The following SH3GL3 variants were observed in gnomAD, a reference collection of about 807,000 sequenced individuals.
SH3GL3 encodes endophilin-A3.
In SH3GL3, 33 loss-of-function variants were observed where a neutral mutation model predicts 47.7. The observed-to-expected ratio is 0.69, with a 90% CI of 0.52 to 0.92. The LOEUF is 0.92. SH3GL3 is among the 40% of genes least tolerant of loss of function. SH3GL3 has a pLI of 0.00. For missense variants in SH3GL3, 363 were observed against 417.8 expected (o/e 0.87, Z 1.14); for synonymous variants, 155 against 148.8 (o/e 1.04, Z -0.30).
At chr15:83,568,489 C>A (rs777297138) in intron 3 of SH3GL3, 40 bp from the exon 4 acceptor site, 5 of 1,571,974 alleles carry the variant, frequency 3.2e-6, no homozygotes, top group South Asian at 1.1e-5. Context: ...GTCACTCCAC[C>A]TTGTAACTTT....
intron 1 of SH3GL3, among the ~76,000 whole-genome samples, chr15:83,487,451 G>A (rs1473188666): frequency 3.3e-5 from 5 of 152,040 alleles, no homozygotes. Context: ...TGTTTGGTAT[G>A]TGGACTATTT....
At chr15:83,633,122 G>T in the SH3GL3 span, among the ~76,000 whole-genome samples, 3 of 152,184 alleles carry the variant, frequency 2.0e-5, no homozygotes, top group South Asian at 6.2e-4. Flanking sequence ...AATGTAAATG[G>T]ATATGAAAAG....
chr15:83,630,591 T>A, the SH3GL3 span, among the ~76,000 whole-genome samples: 3 of 152,018 alleles, frequency 2.0e-5, no homozygotes, highest in African/African-American at 7.2e-5. Flanking sequence ...CTTCTTCACA[T>A]GGCTGCAGGA....
At chr15:83,566,851 C>T (rs1201559901) in intron 3 of SH3GL3, among the ~76,000 whole-genome samples, 1 of 152,202 alleles carries the variant, frequency 6.6e-6, no homozygotes, top group African/African-American at 2.4e-5. Flanking sequence ...AATGTCACTA[C>T]TCACAGTGCA....
At chr15:83,599,625 G>A (rs1042341756) in intron 8 of SH3GL3, among the ~76,000 whole-genome samples, 26 of 152,042 alleles carry the variant, frequency 1.7e-4, no homozygotes, top group African/African-American at 5.1e-4. Flanking sequence ...CCATATTTTT[G>A]CAATTGCAAA....
chr15:83,617,368 T>G (rs2060851525), intron 8 of SH3GL3, among the ~76,000 whole-genome samples: 1 of 152,150 alleles, frequency 6.6e-6, no homozygotes, highest in Non-Finnish European at 1.5e-5. Context: ...TGATACACAC[T>G]TCATATTTGT....
At chr15:83,476,893 A>C (rs1450999245) in intron 1 of SH3GL3, among the ~76,000 whole-genome samples, 1 of 152,240 alleles carries the variant, frequency 6.6e-6, no homozygotes, top group Non-Finnish European at 1.5e-5. Context: ...TGGATAGAAC[A>C]CTAGAAGCGT....
intron 1 of SH3GL3, among the ~76,000 whole-genome samples, chr15:83,487,154 G>A (rs1199108603): frequency 1.3e-5 from 2 of 151,166 alleles, no homozygotes; most frequent in Non-Finnish European, 2.9e-5. Context: ...GGAATTGCTG[G>A]GTTATTCTTA....
intron 1 of SH3GL3, 101 bp from the exon 2 acceptor site, chr15:83,559,152 A>G: frequency 4.3e-6 from 3 of 699,806 alleles, no homozygotes. Flanking sequence ...AAATCCAACA[A>G]GTTGAATCCA....
At chr15:83,509,068 T>C (rs2042637080) in intron 1 of SH3GL3, among the ~76,000 whole-genome samples, 1 of 152,230 alleles carries the variant, frequency 6.6e-6, no homozygotes, top group South Asian at 2.1e-4. Flanking sequence ...TCGGGCATTT[T>C]AGCGTGCATT....
chr15:83,591,839 C>T (rs929684269), intron 8 of SH3GL3, among the ~76,000 whole-genome samples: 3 of 152,164 alleles, frequency 2.0e-5, no homozygotes, highest in Non-Finnish European at 4.4e-5. Flanking sequence ...GCGCCCGATA[C>T]CGTGCCTGGC....
At chr15:83,525,494 T>C (rs1210198831) in intron 1 of SH3GL3, among the ~76,000 whole-genome samples, 2 of 152,118 alleles carry the variant, frequency 1.3e-5, no homozygotes, top group African/African-American at 4.8e-5. Flanking sequence ...TGTTGATTGT[T>C]TCCTTTGATG....
In SH3GL3 at chr15:83,447,632, C is replaced by T. The variant is rs2039500853; in HGVS notation, c.45+54C>T. ...GAGGGGGACGCGGAGGCTGCGGCCC[C>T]CCGAGGCTCCCGGGCCTTTGGGACT... On this transcript the variant is annotated intron_variant, in intron 1 of 8. Transcript: ENST00000427482. This position sits in a 1 kb window ranked among gnomAD's most constrained non-coding sequence, Gnocchi z 5.1. 5 of 1,317,166 alleles carry T rather than the reference C, an allele frequency of 3.8e-6. No individual in the cohort carries two copies. The highest frequency in any genetic ancestry group is 2.6e-5 in the Admixed American group (1 of 37,836). 81.6% of individuals were successfully genotyped at this position (1,317,166 alleles called of 1,614,324 possible). A position where few individuals can be genotyped will look rare whatever the true frequency, so the allele number is the denominator to read the frequency against.
intron 1 of SH3GL3, among the ~76,000 whole-genome samples, chr15:83,477,440 G>A (rs1325038021): frequency 4.6e-5 from 7 of 151,960 alleles, no homozygotes; most frequent in Non-Finnish European, 1.0e-4. Flanking sequence ...TCATTTTCAT[G>A]TTTATCTTTC....
intron 6 of SH3GL3, among the ~76,000 whole-genome samples, chr15:83,582,615 T>C (rs933976420): frequency 6.6e-6 from 1 of 152,204 alleles, no homozygotes; most frequent in African/African-American, 2.4e-5. Flanking sequence ...CCAAACTTAT[T>C]TGACCGCAGA....
At chr15:83,498,334 G>A (rs887498128) in intron 1 of SH3GL3, among the ~76,000 whole-genome samples, 28 of 152,204 alleles carry the variant, frequency 1.8e-4, no homozygotes, top group African/African-American at 5.8e-4. Flanking sequence ...GTGAGCCTGG[G>A]CAAGTAATCC....
At chr15:83,571,733 A>T (rs552366675) in intron 4 of SH3GL3, among the ~76,000 whole-genome samples, 6 of 152,148 alleles carry the variant, frequency 3.9e-5, no homozygotes, top group Non-Finnish European at 8.8e-5. Flanking sequence ...GAGCAACCCA[A>T]TCTCCATCTT....
chr15:83,582,671 T>A (rs903154674), intron 6 of SH3GL3, among the ~76,000 whole-genome samples: 2 of 152,180 alleles, frequency 1.3e-5, no homozygotes, highest in Non-Finnish European at 2.9e-5. Context: ...AGGACTGTAA[T>A]GTGTGGAATA....
At chr15:83,510,735 T>C (rs1477218206) in intron 1 of SH3GL3, among the ~76,000 whole-genome samples, 1 of 152,048 alleles carries the variant, frequency 6.6e-6, no homozygotes, top group Non-Finnish European at 1.5e-5. Flanking sequence ...AAAGGGTCCA[T>C]GAAGCAGCTA....
Sources: gnomAD v4.1 joint callset for allele counts (sites outside exome capture counted in the v4.1 genomes callset) on GRCh38, gnomAD v4.1.1 for gene constraint, Gnocchi (gnomAD v3.1) non-coding constraint, MANE v1.5 for transcripts, NCBI Gene and HGNC (gene_info 2026-07-23, HGNC 2026-07-21) for gene names.